Variants in RYR2 observed in about 807,000 individuals in gnomAD.
The protein encoded by RYR2 is ryanodine receptor 2, also known as cardiac muscle ryanodine receptor-calcium release channel.
In RYR2, 227 loss-of-function variants were observed where a neutral mutation model predicts 601.1. That is an observed-to-expected ratio of 0.38 (90% CI 0.34 to 0.42). RYR2 has a LOEUF of 0.42. RYR2 is among the 10% of genes least tolerant of loss of function. The pLI is 1.00. For synonymous variants in RYR2, 2,223 were observed against 2,175.1 expected (o/e 1.02, Z -0.61); for missense variants, 4,646 against 6,156.5 (o/e 0.75, Z 8.21).
intron 12 of RYR2, among the ~76,000 whole-genome samples, chr1:237,428,381 A>G (rs921574352): frequency 4.6e-5 from 7 of 152,230 alleles, no homozygotes; most frequent in Non-Finnish European, 1.0e-4. Flanking sequence ...CAGATAAAGA[A>G]AATGTGGTAC....
At chr1:237,182,524 C>T (rs1046776733) in intron 1 of RYR2, among the ~76,000 whole-genome samples, 1 of 152,080 alleles carries the variant, frequency 6.6e-6, no homozygotes, top group African/African-American at 2.4e-5. Context: ...TTTATTTTTG[C>T]CACAGGAATC....
chr1:237,308,939 G>A (rs374226889), intron 2 of RYR2, among the ~76,000 whole-genome samples: 14 of 152,034 alleles, frequency 9.2e-5, no homozygotes, highest in South Asian at 2.1e-4. Flanking sequence ...TGATTGGTGC[G>A]TTTAGAATCC....
At chr1:237,795,842 ATATATATGTATATG>A (rs1465076325) in intron 96 of RYR2, among the ~76,000 whole-genome samples, 1 of 113,180 alleles carries the variant, frequency 8.8e-6, no homozygotes, top group Non-Finnish European at 1.7e-5. Flanking sequence ...GTGTGTATAT[ATATATATGTATATG>A]TATATATATA....
chr1:237,678,611 AT>A (rs1270418862), intron 61 of RYR2, among the ~76,000 whole-genome samples: 3 of 152,178 alleles, frequency 2.0e-5, no homozygotes, highest in African/African-American at 7.2e-5. Context: ...GGTATTATTT[AT>A]TTTGTTTCAT....
At chr1:237,216,540 G>A (rs2149117257) in intron 1 of RYR2, among the ~76,000 whole-genome samples, 1 of 151,980 alleles carries the variant, frequency 6.6e-6, no homozygotes, top group African/African-American at 2.4e-5. Flanking sequence ...GAGTTTGAGA[G>A]GAGCCTGGCC....
intron 2 of RYR2, among the ~76,000 whole-genome samples, chr1:237,323,325 A>G (rs1695815543): frequency 6.6e-6 from 1 of 152,180 alleles, no homozygotes; most frequent in Non-Finnish European, 1.5e-5. Flanking sequence ...AATTCATAGC[A>G]GAAGTCTCTT....
chr1:237,591,896 C>T (rs1468174742), intron 32 of RYR2, 43 bp downstream of exon 32: 4 of 1,398,562 alleles, frequency 2.9e-6, no homozygotes, highest in African/African-American at 1.4e-5. Flanking sequence ...ATCTGTCACT[C>T]ATTATGTTTT....
chr1:237,811,050 T>C (rs1258073827), intron 100 of RYR2, among the ~76,000 whole-genome samples: 1 of 152,202 alleles, frequency 6.6e-6, no homozygotes, highest in Non-Finnish European at 1.5e-5. Flanking sequence ...TAGACTTTAC[T>C]CCTGTCTGAA....
At chr1:237,711,054 G>A (rs201306758) in intron 70 of RYR2, among the ~76,000 whole-genome samples, 2 of 152,000 alleles carry the variant, frequency 1.3e-5, no homozygotes, top group Non-Finnish European at 2.9e-5. Context: ...CAGTTTCCTC[G>A]ATCATTAAAA....
Position 237,377,307 on chromosome 1 carries a change from A to G in RYR2, c.464-16A>G. On this transcript the variant is annotated splice_polypyrimidine_tract_variant and intron_variant, in intron 7 of 104. Transcript: ENST00000366574. ...AGAGGAACTTTTTCATGTTTCACAT[A>G]TCCGTATATCTGCAGGGGAGGCTTG... 1 of 1,576,358 alleles carries G rather than the reference A, an allele frequency of 6.3e-7. No individual in the cohort carries two copies. The highest frequency in any genetic ancestry group is 8.6e-7 in the Non-Finnish European group (1 of 1,156,962).
intron 27 of RYR2, among the ~76,000 whole-genome samples, chr1:237,566,316 C>T (rs1488487582): frequency 6.6e-6 from 1 of 152,148 alleles, no homozygotes; most frequent in East Asian, 1.9e-4. Flanking sequence ...CTGACGGAGA[C>T]TCATTCCCCA....
At chr1:237,734,784 C>T (rs758785009) in intron 79 of RYR2, among the ~76,000 whole-genome samples, 6 of 152,070 alleles carry the variant, frequency 3.9e-5, no homozygotes, top group East Asian at 1.9e-4. Flanking sequence ...ATTGTGGATG[C>T]GTTAAAGATG....
intron 47 of RYR2, among the ~76,000 whole-genome samples, chr1:237,641,471 G>GTCTGTCTGTCTTTCTTTCTT (rs1260670992): frequency 4.6e-5 from 5 of 108,612 alleles, no homozygotes; most frequent in African/African-American, 1.5e-4. Flanking sequence ...GTGTCTGTCT[G>GTCTGTCTGTCTTTCTTTCTT]TCTTTCTTTC....
At position 237,819,320 on chromosome 1, in the gene RYR2, C is replaced by A; in HGVS notation, c.14590+128C>A. On this transcript the variant is annotated intron_variant, in intron 101 of 104. Coordinates refer to ENST00000366574, the MANE Select transcript of RYR2 (RefSeq NM_001035.3). This position sits in a 1 kb window ranked among gnomAD's most constrained non-coding sequence, Gnocchi z 4.0. ...CAAAGCCAAATCAAACTTTTCCTTC[C>A]AGTATTTCTTCATCATGCAATCTAC... 1 of 863,294 alleles carries A rather than the reference C, an allele frequency of 1.2e-6. No homozygotes were observed. The highest frequency in any genetic ancestry group is 1.8e-6 in the Non-Finnish European group (1 of 546,026). The allele number at this position is 863,294 out of a possible 1,614,324, so 53.5% of individuals were successfully genotyped here. A position where few individuals can be genotyped will look rare whatever the true frequency, so the allele number is the denominator to read the frequency against.
intron 25 of RYR2, among the ~76,000 whole-genome samples, chr1:237,534,259 A>C (rs1668397457): frequency 6.6e-6 from 1 of 152,050 alleles, no homozygotes; most frequent in African/African-American, 2.4e-5. Context: ...AATTGAGAAA[A>C]CAAGCATCAT....
At chr1:237,807,420 G>A (rs1449228389) in intron 99 of RYR2, among the ~76,000 whole-genome samples, 1 of 152,098 alleles carries the variant, frequency 6.6e-6, no homozygotes, top group Non-Finnish European at 1.5e-5. Flanking sequence ...GCGCGATCTC[G>A]GCTCACTGCA....
At chr1:237,242,193 G>GTTTTT (rs1389322285) in intron 1 of RYR2, among the ~76,000 whole-genome samples, 4 of 50,172 alleles carry the variant, frequency 8.0e-5, no homozygotes, top group African/African-American at 1.4e-4. Flanking sequence ...TTTGATCACT[G>GTTTTT]TTTTTTTTGT....
At chr1:237,375,590 A>G (rs910631331) in intron 7 of RYR2, among the ~76,000 whole-genome samples, 5 of 152,204 alleles carry the variant, frequency 3.3e-5, no homozygotes, top group African/African-American at 1.2e-4. Flanking sequence ...CAAACAACAA[A>G]AAGGTGAAAA....
At chr1:237,282,591 T>A (rs1324408600) in intron 2 of RYR2, among the ~76,000 whole-genome samples, 2 of 152,148 alleles carry the variant, frequency 1.3e-5, no homozygotes, top group Admixed American at 6.5e-5. Context: ...TTGCTGCCAA[T>A]AGGTTAGATG....
Sources: allele counts gnomAD v4.1 joint callset (sites outside exome capture counted in the v4.1 genomes callset), GRCh38; gene constraint gnomAD v4.1.1; non-coding constraint Gnocchi (gnomAD v3.1); transcripts MANE v1.5; gene names NCBI Gene and HGNC (gene_info 2026-07-23, HGNC 2026-07-21).